Variants in CFAP221 observed in about 807,000 individuals in gnomAD.
CFAP221 encodes the protein cilia and flagella associated protein 221, also known as cilia- and flagella-associated protein 221.
Under a neutral mutation model 113.1 loss-of-function variants are expected in CFAP221, and 97 were observed. The ratio of observed to expected loss-of-function variants is 0.86; its 90% CI spans 0.73 to 1.02. CFAP221 has a LOEUF of 1.02. Ranked by LOEUF, CFAP221 falls within the 50% of genes least tolerant of loss-of-function variation. CFAP221 has a pLI of 0.00. For synonymous variants in CFAP221, 331 were observed against 354.4 expected (o/e 0.93, Z 0.74); for missense variants, 1,025 against 1,013.4 (o/e 1.01, Z -0.16).
In CFAP221 at chr2:119,630,909, A is replaced by G. The variant is rs770687708; in HGVS notation, c.1974+8A>G. ...GATCCTCTGTATGTTTTTGTAAGTG[A>G]CAACTGGCAGAAGCCTTGTTTTCTG... On this transcript the variant is annotated splice_region_variant and intron_variant, in intron 19 of 23. Transcript: ENST00000413369. 1 of 1,610,878 alleles carries G rather than the reference A, an allele frequency of 6.2e-7. No individual in the cohort carries two copies. The highest frequency in any genetic ancestry group is 1.7e-5 in the Admixed American group (1 of 59,974).
At chr2:119,557,559 T>A (rs1170825278) in intron 3 of CFAP221, among the ~76,000 whole-genome samples, 6 of 152,208 alleles carry the variant, frequency 3.9e-5, no homozygotes, top group Admixed American at 6.5e-5. Flanking sequence ...AATGCCTGGA[T>A]AATATTTCTA....
At chr2:119,644,792 A>G (rs1158213225) in intron 21 of CFAP221, among the ~76,000 whole-genome samples, 1 of 152,208 alleles carries the variant, frequency 6.6e-6, no homozygotes, top group Non-Finnish European at 1.5e-5. Context: ...ACCAATGCCT[A>G]CAGTTCCAGT....
intron 14 of CFAP221, among the ~76,000 whole-genome samples, chr2:119,622,563 A>T (rs976743679): frequency 3.9e-5 from 6 of 152,136 alleles, no homozygotes; most frequent in African/African-American, 1.4e-4. Flanking sequence ...GAGACACAAC[A>T]AAAAAAGAAA....
chr2:119,598,443 A>T (rs1684142081), intron 7 of CFAP221, among the ~76,000 whole-genome samples: 1 of 152,292 alleles, frequency 6.6e-6, no homozygotes, highest in Non-Finnish European at 1.5e-5. Flanking sequence ...GGGTGTTCTT[A>T]GCCTTCAGTT....
chr2:119,628,098 G>A (rs1335798027), intron 16 of CFAP221, among the ~76,000 whole-genome samples: 5 of 152,182 alleles, frequency 3.3e-5, no homozygotes, highest in African/African-American at 1.2e-4. Flanking sequence ...GAGAGGAACC[G>A]AGAGGGCCCC....
rs1679901914 is a variant in CFAP221, at chr2:119,544,468, GGCGCTGGCGC to G, written c.-89_-80del. ...CATGGCGACGCTCCGAGCGGGCGCC[GGCGCTGGCGC>G]CGGCCGAATCCGGCCCGGGAACCAC... On this transcript the variant is annotated 5_prime_UTR_variant, in exon 1 of 24. Coordinates refer to ENST00000413369, the MANE Select transcript of CFAP221 (RefSeq NM_001271049.2). The G allele has an allele frequency of 6.6e-6, 1 of 151,742 alleles. No individual in the cohort carries two copies. The highest frequency in any genetic ancestry group is 2.4e-5 in the African/African-American group (1 of 41,324). The allele number at this position is 151,742 out of a possible 1,614,324, so 9.4% of individuals were successfully genotyped here.
At chr2:119,628,372 C>T (rs1426192425) in intron 16 of CFAP221, among the ~76,000 whole-genome samples, 3 of 148,378 alleles carry the variant, frequency 2.0e-5, no homozygotes, top group Non-Finnish European at 4.4e-5. Context: ...TATAATGGCT[C>T]ATCCTTCTTC....
At chr2:119,628,294 GGTGTGTGT>G (rs70949303) in intron 16 of CFAP221, among the ~76,000 whole-genome samples, 22 of 137,486 alleles carry the variant, frequency 1.6e-4, no homozygotes, top group African/African-American at 6.1e-4. Context: ...CTCTCTGGGG[GGTGTGTGT>G]GTGTGTGTGT....
intron 22 of CFAP221, among the ~76,000 whole-genome samples, chr2:119,651,137 G>A (rs1027305178): frequency 2.0e-5 from 3 of 152,186 alleles, no homozygotes; most frequent in Non-Finnish European, 4.4e-5. Flanking sequence ...CCTGAGGTCA[G>A]CTCTGAACAG....
intron 6 of CFAP221, among the ~76,000 whole-genome samples, chr2:119,567,960 T>C (rs1681766953): frequency 6.6e-6 from 1 of 152,236 alleles, no homozygotes; most frequent in Admixed American, 6.5e-5. Context: ...TGTTTCCTTT[T>C]TTTAGTGGTT....
intron 6 of CFAP221, among the ~76,000 whole-genome samples, chr2:119,578,832 C>T (rs921191027): frequency 1.1e-4 from 17 of 152,170 alleles, no homozygotes; most frequent in Middle Eastern, 3.4e-3. Flanking sequence ...CTCTAGATAT[C>T]GGGAATTTTT....
At chr2:119,656,896 T>C (rs971625085), downstream of CFAP221, among the ~76,000 whole-genome samples, 3 of 152,230 alleles carry the variant, frequency 2.0e-5, no homozygotes, top group African/African-American at 7.2e-5. Flanking sequence ...GTATGAATGC[T>C]GGCTCCCCAC....
chr2:119,569,174 C>G, intron 6 of CFAP221, among the ~76,000 whole-genome samples: 1 of 151,958 alleles, frequency 6.6e-6, no homozygotes. Flanking sequence ...CGCTCTGTCA[C>G]CCAGGCTGGA....
At chr2:119,560,075 T>C in intron 5 of CFAP221, 49 bp downstream of exon 5, 2 of 1,278,180 alleles carry the variant, frequency 1.6e-6, no homozygotes, top group Non-Finnish European at 2.1e-6. Flanking sequence ...TGATGGTGGG[T>C]TAAAACTTAC....
At chr2:119,551,547 G>T (rs2579626) in intron 3 of CFAP221, among the ~76,000 whole-genome samples, 67,395 of 151,964 alleles carry the variant, frequency 0.44, 15,672 homozygotes, top group East Asian at 0.65. Flanking sequence ...TGGCCCTCTT[G>T]CTGAAAATCA....
chr2:119,607,766 A>G (rs756226698), intron 11 of CFAP221, among the ~76,000 whole-genome samples: 4 of 152,236 alleles, frequency 2.6e-5, no homozygotes, highest in Non-Finnish European at 5.9e-5. Context: ...CACAGAATAC[A>G]TAGTCTTTTG....
intron 6 of CFAP221, among the ~76,000 whole-genome samples, chr2:119,568,646 C>T (rs1681817400): frequency 6.6e-6 from 1 of 152,172 alleles, no homozygotes; most frequent in South Asian, 2.1e-4. Flanking sequence ...CAGATCCATC[C>T]ATGTTCCTGC....
intron 3 of CFAP221, 41 bp downstream of exon 3, chr2:119,549,226 A>T (rs1391205529): frequency 7.2e-7 from 1 of 1,392,060 alleles, no homozygotes; most frequent in South Asian, 1.3e-5. Flanking sequence ...ATCATAATGA[A>T]GTGACAAAAA....
At chr2:119,637,728 C>G (rs1429442288) in intron 19 of CFAP221, among the ~76,000 whole-genome samples, 1 of 152,308 alleles carries the variant, frequency 6.6e-6, no homozygotes, top group Non-Finnish European at 1.5e-5. Context: ...TCCCTTAAAA[C>G]CAGATACTAC....
Sources: gnomAD v4.1 joint callset for allele counts (sites outside exome capture counted in the v4.1 genomes callset) on GRCh38, gnomAD v4.1.1 for gene constraint, MANE v1.5 for transcripts, NCBI Gene and HGNC (gene_info 2026-07-23, HGNC 2026-07-21) for gene names.